MGLL: variants seen among roughly 807,000 people sequenced by gnomAD.
The protein encoded by MGLL is lysophospholipase homolog.
MGLL carries 7 observed loss-of-function variants against 29.1 expected under a neutral mutation model. The observed-to-expected ratio is 0.24, with a 90% CI of 0.14 to 0.45. MGLL has a LOEUF of 0.45. Ranked by LOEUF, MGLL falls within the 20% of genes least tolerant of loss-of-function variation. The pLI is 0.99. For missense variants in MGLL, 356 were observed against 413.6 expected, an observed-to-expected ratio of 0.86 and a Z score of 1.21; for synonymous variants, 148 against 168.3, an observed-to-expected ratio of 0.88 and a Z score of 0.93.
intron 3 of MGLL, among the ~76,000 whole-genome samples, chr3:127,745,155 C>CA (rs1576538813): frequency 6.6e-6 from 1 of 152,184 alleles, no homozygotes; most frequent in Admixed American, 6.5e-5. Context: ...AAGCCGCCAT[C>CA]GGGGCCAGGG....
intron 2 of MGLL, among the ~76,000 whole-genome samples, chr3:127,798,034 GA>G (rs796546612): frequency 2.6e-5 from 4 of 152,276 alleles, no homozygotes; most frequent in African/African-American, 7.2e-5. Flanking sequence ...ATTTCATTGT[GA>G]AACAGATATA....
intron 6 of MGLL, among the ~76,000 whole-genome samples, chr3:127,709,649 G>C (rs1376570039): frequency 6.6e-6 from 1 of 152,210 alleles, no homozygotes; most frequent in Non-Finnish European, 1.5e-5. Flanking sequence ...GTGATTTAGG[G>C]AGCCAGTGAT....
At chr3:127,721,013 G>A (rs754877225) in intron 5 of MGLL, 40 bp downstream of exon 5, 1 of 1,554,208 alleles carries the variant, frequency 6.4e-7, no homozygotes, top group Non-Finnish European at 8.9e-7. Flanking sequence ...CATGTCCCGG[G>A]GAACCTGTAG....
At chr3:127,806,513 AATGGATGGATGG>A (rs535637186) in intron 2 of MGLL, among the ~76,000 whole-genome samples, 18 of 151,710 alleles carry the variant, frequency 1.2e-4, no homozygotes, top group African/African-American at 3.4e-4. Context: ...TGAACGAATG[AATGGATGGATGG>A]ATGGATGGAT....
intron 3 of MGLL, among the ~76,000 whole-genome samples, chr3:127,726,562 G>A (rs2076050995): frequency 6.6e-6 from 1 of 152,036 alleles, no homozygotes; most frequent in Admixed American, 6.5e-5. Flanking sequence ...CCGAGTAGCT[G>A]GGACTACAGG....
intron 3 of MGLL, among the ~76,000 whole-genome samples, chr3:127,768,318 A>G (rs1395903009): frequency 6.6e-6 from 1 of 152,208 alleles, no homozygotes; most frequent in Non-Finnish European, 1.5e-5. Flanking sequence ...TATCCCTGGT[A>G]CCAAAACTGG....
At chr3:127,754,246 C>T (rs879634794) in intron 3 of MGLL, among the ~76,000 whole-genome samples, 17 of 152,226 alleles carry the variant, frequency 1.1e-4, no homozygotes, top group Non-Finnish European at 2.2e-4. Context: ...ACCAAGCTCA[C>T]TCCCAGTTCC....
intron 2 of MGLL, among the ~76,000 whole-genome samples, chr3:127,817,704 T>G (rs759859177): frequency 1.3e-5 from 2 of 152,240 alleles, no homozygotes; most frequent in Non-Finnish European, 2.9e-5. Context: ...TATTGCACAA[T>G]GTTTTCAGAC....
chr3:127,782,592 C>A (rs1433331608), intron 2 of MGLL, among the ~76,000 whole-genome samples: 3 of 152,178 alleles, frequency 2.0e-5, no homozygotes, highest in African/African-American at 7.2e-5. Context: ...CTTCCTCCCT[C>A]GGGGGCGAAT....
intron 2 of MGLL, among the ~76,000 whole-genome samples, chr3:127,799,203 C>T (rs1255132694): frequency 6.6e-6 from 1 of 152,220 alleles, no homozygotes; most frequent in Non-Finnish European, 1.5e-5. Context: ...AGAAACTCAC[C>T]CATTATCTCA....
At chr3:127,696,223 C>T (rs1368567014) in intron 6 of MGLL, among the ~76,000 whole-genome samples, 8 of 152,152 alleles carry the variant, frequency 5.3e-5, no homozygotes, top group Non-Finnish European at 1.2e-4. Flanking sequence ...GCTCTCTCCC[C>T]TGTCCTTGCT....
chr3:127,782,605 G>A (rs2077146805), intron 2 of MGLL, among the ~76,000 whole-genome samples: 1 of 152,182 alleles, frequency 6.6e-6, no homozygotes, highest in South Asian at 2.1e-4. Context: ...GGGCGAATGT[G>A]GCAGCATTTA....
At chr3:127,732,837 A>G (rs1220766559) in intron 3 of MGLL, among the ~76,000 whole-genome samples, 5 of 152,208 alleles carry the variant, frequency 3.3e-5, no homozygotes, top group Admixed American at 6.5e-5. Context: ...CCTCATGTCT[A>G]TGAGGCCACC....
At chr3:127,749,055 C>A (rs1003767915) in intron 3 of MGLL, among the ~76,000 whole-genome samples, 8 of 152,172 alleles carry the variant, frequency 5.3e-5, no homozygotes, top group African/African-American at 1.9e-4. Flanking sequence ...GTCTACAACC[C>A]TGATCACTCT....
chr3:127,743,595 A>G (rs1371222528), intron 3 of MGLL, among the ~76,000 whole-genome samples: 2 of 150,646 alleles, frequency 1.3e-5, no homozygotes, highest in Non-Finnish European at 3.0e-5. Context: ...AAAAAAAAAA[A>G]AAAAGTCCAA....
At chr3:127,697,114 G>A (rs771763571) in intron 6 of MGLL, among the ~76,000 whole-genome samples, 13 of 152,226 alleles carry the variant, frequency 8.5e-5, no homozygotes, top group Admixed American at 5.2e-4. Flanking sequence ...CTGCTGGGCC[G>A]GGCCATCTGC....
chr3:127,733,936 G>C (rs1181264862), intron 3 of MGLL, among the ~76,000 whole-genome samples: 2 of 152,228 alleles, frequency 1.3e-5, no homozygotes, highest in Non-Finnish European at 2.9e-5. Context: ...AAAGAGGGCA[G>C]GGCAGCCGAG....
intron 2 of MGLL, among the ~76,000 whole-genome samples, chr3:127,804,426 C>T (rs1460126218): frequency 1.3e-5 from 2 of 152,212 alleles, no homozygotes; most frequent in African/African-American, 4.8e-5. Context: ...ACAGTGACTC[C>T]CTGAGTAGGA....
At chr3:127,693,795 C>G (rs1342376339) in intron 7 of MGLL, among the ~76,000 whole-genome samples, 1 of 152,146 alleles carries the variant, frequency 6.6e-6, no homozygotes, top group African/African-American at 2.4e-5. Flanking sequence ...CTGGGCCTGA[C>G]AGAAACTTAG....
Sources: allele counts gnomAD v4.1 joint callset (sites outside exome capture counted in the v4.1 genomes callset), GRCh38; gene constraint gnomAD v4.1.1; transcripts MANE v1.5; gene names NCBI Gene and HGNC (gene_info 2026-07-23, HGNC 2026-07-21).